The following BANP variants were observed in gnomAD, a reference collection of about 807,000 sequenced individuals.
BANP encodes the protein protein BANP.
In BANP, 11 loss-of-function variants were observed where a neutral mutation model predicts 68.1. The observed-to-expected ratio is 0.16, with a 90% CI of 0.10 to 0.27. The LOEUF (loss-of-function observed/expected upper bound fraction) is 0.27, where lower values mean the gene tolerates loss of function less well. Ranked by LOEUF, BANP falls within the 10% of genes least tolerant of loss-of-function variation. BANP has a pLI of 1.00. For missense variants in BANP, 504 were observed against 722.7 expected (o/e 0.70, Z 3.47); for synonymous variants, 329 against 303.2 (o/e 1.09, Z -0.88).
intron 6 of BANP, among the ~76,000 whole-genome samples, chr16:88,014,891 G>A (rs2074105305): frequency 6.6e-6 from 1 of 152,030 alleles, no homozygotes; most frequent in African/African-American, 2.4e-5. Context: ...TCAGTGCTGG[G>A]AACCCTGGGA....
chr16:87,978,785 A>G, intron 2 of BANP: 1 of 388,304 alleles, frequency 2.6e-6, no homozygotes, highest in East Asian at 7.5e-5. Flanking sequence ...TTAACACGCT[A>G]AGTGATAGAA....
In BANP at chr16:88,057,930, G is replaced by A. The variant is rs190982047; in HGVS notation, c.1312-7337G>A. Among the ~76,000 whole-genome samples the A allele has an allele frequency of 4.6e-5, 7 of 152,310 alleles. No homozygotes were observed. The highest frequency in any genetic ancestry group is 3.9e-4 in the East Asian group (2 of 5,174). On this transcript the variant is annotated intron_variant, in intron 11 of 13. Transcript: ENST00000682872. This position sits in a 1 kb window ranked among gnomAD's most constrained non-coding sequence, Gnocchi z 4.6. ...CCGCCTGTGTTCCGACAAGCCAGGC[G>A]CCGAGGCTCGGTGTGGGCCCGTGGG...
intron 1 of BANP, among the ~76,000 whole-genome samples, chr16:87,973,169 A>G (rs779347364): frequency 1.1e-4 from 17 of 151,732 alleles, no homozygotes; most frequent in Non-Finnish European, 1.6e-4. Flanking sequence ...CATCTGTCTC[A>G]TTCCGTCTTT....
intron 11 of BANP, among the ~76,000 whole-genome samples, chr16:88,039,331 G>A (rs76092852): frequency 0.26 from 36,016 of 141,194 alleles, 6,564 homozygotes; most frequent in East Asian, 0.64. Flanking sequence ...TGCGGTCGGC[G>A]CAGTGCAGGT....
chr16:87,971,016 C>CA (rs10624509), intron 1 of BANP, among the ~76,000 whole-genome samples: 3,140 of 135,318 alleles, frequency 0.023, 121 homozygotes, highest in African/African-American at 0.074. Context: ...GACTGCATCT[C>CA]AAAAAAAAAA....
chr16:87,970,766 C>G (rs1327130998), intron 1 of BANP, among the ~76,000 whole-genome samples: 2 of 152,144 alleles, frequency 1.3e-5, no homozygotes, highest in Admixed American at 6.5e-5. Context: ...GGCCTGTCAT[C>G]CCAGCACTTT....
intron 11 of BANP, among the ~76,000 whole-genome samples, chr16:88,054,432 C>G (rs1165615674): frequency 6.6e-6 from 1 of 152,160 alleles, no homozygotes; most frequent in Non-Finnish European, 1.5e-5. Context: ...ACACTACCAC[C>G]ACCACCTCCA....
In BANP at chr16:88,004,364, C is replaced by T. The variant is rs2070340135; in HGVS notation, c.432C>T (p.Asp144=). Reference sequence around the variant, plus strand: ...ACGCCATTGTAGCCAAGATGGAAGACCCCTTGAGCAACAGGGCACCGGATT... The same window carrying T: ...ACGCCATTGTAGCCAAGATGGAAGATCCCTTGAGCAACAGGGCACCGGATT... ...RQNAIVAKME[D]PLSNRAPDSL... The change falls in exon 5 of 14, where the codon GAC becomes GAT. Residue 144 remains aspartate (D), a synonymous_variant. Transcript: ENST00000682872. The surrounding 1 kb of genome is among the most constrained non-coding windows in gnomAD (Gnocchi z 7.0). 1.3e-6 allele frequency: 2 copies of T among 1,549,738 alleles called. No homozygotes were observed. The highest frequency in any genetic ancestry group is 1.7e-6 in the Non-Finnish European group (2 of 1,146,226).
At chr16:87,973,875 G>T (rs2061574909) in intron 1 of BANP, among the ~76,000 whole-genome samples, 1 of 152,186 alleles carries the variant, frequency 6.6e-6, no homozygotes, top group African/African-American at 2.4e-5. Flanking sequence ...GAAGGACACG[G>T]GTGAGGCCTG....
At chr16:88,026,251 G>A (rs1245679209) in intron 7 of BANP, among the ~76,000 whole-genome samples, 3 of 152,200 alleles carry the variant, frequency 2.0e-5, no homozygotes, top group Admixed American at 6.5e-5. Context: ...AGTAGGTTGT[G>A]CCCACTCGGC....
chr16:87,969,317 G>T (rs770797104), intron 1 of BANP, among the ~76,000 whole-genome samples: 4 of 152,074 alleles, frequency 2.6e-5, no homozygotes, highest in Non-Finnish European at 5.9e-5. Context: ...TGTTGTGTGG[G>T]GCATGGCCAG....
chr16:88,011,411 G>C (rs1334968186), intron 6 of BANP, among the ~76,000 whole-genome samples: 2 of 152,186 alleles, frequency 1.3e-5, no homozygotes, highest in East Asian at 3.8e-4. Flanking sequence ...ACTGGTGTTG[G>C]ACTCAGGTTC....
intron 6 of BANP, among the ~76,000 whole-genome samples, chr16:88,010,797 G>C (rs1438880710): frequency 1.3e-5 from 2 of 151,722 alleles, no homozygotes; most frequent in Non-Finnish European, 2.9e-5. Context: ...CACACACCTC[G>C]CAGTCCATGG....
rs773475950 is a variant in BANP at position 88,035,444 on chromosome 16, T to G, written c.1272+50T>G. On this transcript the variant is annotated intron_variant, in intron 10 of 13. Coordinates refer to ENST00000682872, the MANE Select transcript of BANP (RefSeq NM_001386991.1). ...TGTCCCTGCAGGCACCGTGCCCACA[T>G]GCTCCCGACCTTCATCGGTGTCACA... 2.0e-6 allele frequency: 3 copies of G among 1,506,220 alleles called. No homozygotes were observed. The East Asian group carries it at 7.2e-5, about 36-fold the overall frequency. 93.3% of individuals were successfully genotyped at this position (1,506,220 alleles called of 1,614,324 possible).
At chr16:87,986,880 C>A (rs1402980093) in intron 4 of BANP, among the ~76,000 whole-genome samples, 5 of 152,144 alleles carry the variant, frequency 3.3e-5, no homozygotes, top group Admixed American at 1.3e-4. Context: ...ATTGGCAAGG[C>A]AAAATCAACC....
intron 11 of BANP, among the ~76,000 whole-genome samples, chr16:88,050,896 A>T (rs913874105): frequency 6.6e-6 from 1 of 152,084 alleles, no homozygotes; most frequent in Admixed American, 6.5e-5. Context: ...CCTGTTGCAC[A>T]GACTGGTCTC....
chr16:88,076,522 C>T, intron 13 of BANP, 68 bp from the exon 14 acceptor site: 1 of 1,414,246 alleles, frequency 7.1e-7, no homozygotes, highest in Non-Finnish European at 9.8e-7. Context: ...ACTGGCTGTT[C>T]ATGACACCCC....
rs571656914 is a variant in BANP, at chr16:88,048,093, G to A, written c.1311+10082G>A. ...ACTTGTGTGGCTTCCGCAGCTGGCC[G>A]TGACTTTGTCATACCAGTTTTTCAA... On this transcript the variant is annotated intron_variant, in intron 11 of 13. Coordinates refer to ENST00000682872, the MANE Select transcript of BANP (RefSeq NM_001386991.1). Among the ~76,000 whole-genome samples the A allele has an allele frequency of 3.3e-5, 5 of 152,332 alleles. No individual in the cohort carries two copies. In the East Asian group the frequency reaches 5.8e-4, roughly 18 times the overall value.
chr16:87,991,921 A>G (rs7187459), intron 4 of BANP, among the ~76,000 whole-genome samples: 98,292 of 152,076 alleles, frequency 0.65, 32,308 homozygotes, highest in African/African-American at 0.73. Context: ...TTATAAAAAT[A>G]TTTTTGCCTT....
Sources: gnomAD v4.1 joint callset for allele counts (sites outside exome capture counted in the v4.1 genomes callset) on GRCh38, gnomAD v4.1.1 for gene constraint, Gnocchi (gnomAD v3.1) non-coding constraint, MANE v1.5 for transcripts, NCBI Gene and HGNC (gene_info 2026-07-23, HGNC 2026-07-21) for gene names.